CNTNAP4: variants seen among roughly 807,000 people sequenced by gnomAD.
CNTNAP4 encodes the protein contactin-associated protein-like 4.
Under a neutral mutation model 148.4 loss-of-function variants are expected in CNTNAP4, and 98 were observed. That is an observed-to-expected ratio of 0.66 (90% CI 0.56 to 0.78). The LOEUF is 0.78. Among genes scored for constraint, CNTNAP4 ranks in the 30% least tolerant of loss-of-function variants. The probability of loss-of-function intolerance (pLI) is 0.00; values close to 1 mark genes in which losing one functional copy is unlikely to be tolerated. For missense variants in CNTNAP4, 1,935 were observed against 1,565.6 expected (o/e 1.24, Z -3.98); for synonymous variants, 730 against 565.1 (o/e 1.29, Z -4.14).
chr16:76,474,424 A>C (rs1838793791), intron 10 of CNTNAP4, among the ~76,000 whole-genome samples: 1 of 152,208 alleles, frequency 6.6e-6, no homozygotes, highest in Admixed American at 6.5e-5. Context: ...AATTGTGGTT[A>C]AGGAGAGGGG....
intron 21 of CNTNAP4, among the ~76,000 whole-genome samples, chr16:76,547,050 CAG>C (rs1394614444): frequency 6.6e-6 from 1 of 152,128 alleles, no homozygotes; most frequent in Admixed American, 6.5e-5. Context: ...TGTGAAAAGG[CAG>C]ATAGTCTGAT....
chr16:76,309,764 TC>T, intron 1 of CNTNAP4: 1 of 683,118 alleles, frequency 1.5e-6, no homozygotes, highest in Non-Finnish European at 2.7e-6. Context: ...GAGGGGGTGG[TC>T]CGGGCTTTCC....
chr16:76,318,147 C>A (rs916623432), intron 2 of CNTNAP4, among the ~76,000 whole-genome samples: 2 of 152,152 alleles, frequency 1.3e-5, no homozygotes, highest in Non-Finnish European at 2.9e-5. Flanking sequence ...TATTGCAATG[C>A]TAATCCTAGA....
rs576927799 is a variant in CNTNAP4, at chr16:76,363,471, A to C, written c.390+7960A>C. ...GATACTGCGCCCAGCCTGGACCCTTATACCGTATGCAAAAATTAACTCAAA... is the reference window on the plus strand; with the variant it reads ...GATACTGCGCCCAGCCTGGACCCTTCTACCGTATGCAAAAATTAACTCAAA... On this transcript the variant is annotated intron_variant, in intron 3 of 23. Transcript: ENST00000611870. Among the ~76,000 whole-genome samples, 20 of 152,274 alleles carry C rather than the reference A, an allele frequency of 1.3e-4. No individual in the cohort carries two copies. The South Asian group carries it at 4.1e-3, about 32-fold the overall frequency.
chr16:76,499,292 C>T (rs1209625055), intron 15 of CNTNAP4, among the ~76,000 whole-genome samples: 1 of 151,970 alleles, frequency 6.6e-6, no homozygotes, highest in Non-Finnish European at 1.5e-5. Flanking sequence ...TTCCTTCAAC[C>T]ATTCTTCATG....
chr16:76,447,080 G>C (rs893875355), intron 4 of CNTNAP4, among the ~76,000 whole-genome samples: 8 of 152,098 alleles, frequency 5.3e-5, no homozygotes, highest in African/African-American at 1.9e-4. Flanking sequence ...GGCTGAGGTA[G>C]GCAGATCGCC....
At chr16:76,552,951 T>G (rs778502828) in intron 21 of CNTNAP4, among the ~76,000 whole-genome samples, 6 of 152,196 alleles carry the variant, frequency 3.9e-5, no homozygotes, top group Non-Finnish European at 7.4e-5. Flanking sequence ...CAAGCCCTAT[T>G]GTAAATACAT....
chr16:76,488,453 A>C (rs2082101141), intron 12 of CNTNAP4, among the ~76,000 whole-genome samples: 1 of 152,172 alleles, frequency 6.6e-6, no homozygotes, highest in Non-Finnish European at 1.5e-5. Flanking sequence ...AAGTTGGTCC[A>C]GCCTCATTTA....
chr16:76,515,770 C>G (rs1366647961), intron 15 of CNTNAP4, among the ~76,000 whole-genome samples: 9 of 151,954 alleles, frequency 5.9e-5, no homozygotes. Flanking sequence ...CAATGAGGCA[C>G]CACTTTACAC....
At chr16:76,384,096 T>C (rs2016271109) in intron 3 of CNTNAP4, among the ~76,000 whole-genome samples, 1 of 152,068 alleles carries the variant, frequency 6.6e-6, no homozygotes, top group African/African-American at 2.4e-5. Context: ...CAGGCTGGAG[T>C]GCAGTGGCAC....
At chr16:76,415,673 C>T (rs1191449356) in intron 3 of CNTNAP4, among the ~76,000 whole-genome samples, 2 of 150,800 alleles carry the variant, frequency 1.3e-5, no homozygotes, top group African/African-American at 4.9e-5. Context: ...AGAATGTATC[C>T]ATCACCCAAC....
chr16:76,532,857 A>G (rs1170647726), intron 17 of CNTNAP4, among the ~76,000 whole-genome samples: 1 of 152,206 alleles, frequency 6.6e-6, no homozygotes, highest in African/African-American at 2.4e-5. Context: ...AAGATAAAGA[A>G]GTAGCAGCTC....
chr16:76,367,511 T>A (rs2014288397), intron 3 of CNTNAP4, among the ~76,000 whole-genome samples: 1 of 152,214 alleles, frequency 6.6e-6, no homozygotes, highest in African/African-American at 2.4e-5. Flanking sequence ...GCCTATATGA[T>A]AGCAATGCCC....
At chr16:76,340,640 A>T (rs1458991878) in intron 2 of CNTNAP4, among the ~76,000 whole-genome samples, 3 of 152,184 alleles carry the variant, frequency 2.0e-5, no homozygotes, top group Non-Finnish European at 4.4e-5. Flanking sequence ...ATACATATTT[A>T]TAGGGAGTTT....
intron 1 of CNTNAP4, among the ~76,000 whole-genome samples, chr16:76,312,707 T>C (rs1403724649): frequency 1.3e-5 from 2 of 152,188 alleles, no homozygotes; most frequent in Non-Finnish European, 2.9e-5. Flanking sequence ...ATGGTATTCT[T>C]ACATAGTGGA....
chr16:76,342,787 A>C (rs1964585206), intron 2 of CNTNAP4, among the ~76,000 whole-genome samples: 3 of 152,184 alleles, frequency 2.0e-5, no homozygotes, highest in Admixed American at 2.0e-4. Context: ...AAACAATGAC[A>C]AACTGACCTG....
chr16:76,375,236 A>C (rs1424347515), intron 3 of CNTNAP4, among the ~76,000 whole-genome samples: 1 of 152,036 alleles, frequency 6.6e-6, no homozygotes, highest in Admixed American at 6.5e-5. Context: ...AGCCTGGTTA[A>C]CATGGTAAAA....
intron 1 of CNTNAP4, among the ~76,000 whole-genome samples, chr16:76,304,098 A>C (rs915905963): frequency 1.3e-5 from 2 of 152,154 alleles, no homozygotes; most frequent in African/African-American, 4.8e-5. Flanking sequence ...CCAGGTACCA[A>C]CTACTCTTTA....
chr16:76,412,517 A>G (rs4275874), intron 3 of CNTNAP4, among the ~76,000 whole-genome samples: 53,866 of 151,182 alleles, frequency 0.36, 11,050 homozygotes, highest in Non-Finnish European at 0.44. Context: ...AACACTTGGT[A>G]TTAATTTTCT....
Sources: allele counts gnomAD v4.1 joint callset (sites outside exome capture counted in the v4.1 genomes callset), GRCh38; gene constraint gnomAD v4.1.1; transcripts MANE v1.5; gene names NCBI Gene and HGNC (gene_info 2026-07-23, HGNC 2026-07-21).